The following RABGAP1L variants were observed in gnomAD, a reference collection of about 807,000 sequenced individuals.
RABGAP1L encodes the protein RAB GTPase activating protein 1 like, also known as rab GTPase-activating protein 1-like.
Under a neutral mutation model 137.7 loss-of-function variants are expected in RABGAP1L, and 63 were observed. The ratio of observed to expected loss-of-function variants is 0.46; its 90% CI spans 0.37 to 0.56. RABGAP1L has a LOEUF of 0.56. Among genes scored for constraint, RABGAP1L ranks in the 20% least tolerant of loss-of-function variants. The probability of loss-of-function intolerance (pLI) is 0.00; values close to 1 mark genes in which losing one functional copy is unlikely to be tolerated. For synonymous variants in RABGAP1L, 431 were observed against 433.7 expected (o/e 0.99, Z 0.08); for missense variants, 1,095 against 1,244.0 (o/e 0.88, Z 1.80).
At chr1:174,840,137 T>C (rs1693221805) in intron 19 of RABGAP1L, among the ~76,000 whole-genome samples, 2 of 152,288 alleles carry the variant, frequency 1.3e-5, no homozygotes, top group Non-Finnish European at 1.5e-5. Flanking sequence ...CAGAACAGCA[T>C]AGCATTTGGC....
chr1:174,664,734 C>CTTTTTTTTTTTTTTTTTTTT (rs71701825), intron 14 of RABGAP1L, among the ~76,000 whole-genome samples: 2 of 97,580 alleles, frequency 2.0e-5, no homozygotes, highest in African/African-American at 1.0e-4. Context: ...TTTCTGCTTT[C>CTTTTTTTTTTTTTTTTTTTT]TTTTTTTTTT....
chr1:174,747,327 G>A (rs1460297183), intron 17 of RABGAP1L, among the ~76,000 whole-genome samples: 1 of 150,640 alleles, frequency 6.6e-6, no homozygotes, highest in Admixed American at 6.6e-5. Flanking sequence ...GCTTGAGCCT[G>A]GGAGGTTGAG....
At chr1:174,470,810 T>C (rs1657832570) in intron 13 of RABGAP1L, among the ~76,000 whole-genome samples, 1 of 152,102 alleles carries the variant, frequency 6.6e-6, no homozygotes, top group Non-Finnish European at 1.5e-5. Flanking sequence ...ATACAGTGTT[T>C]AGTTAGAGAA....
chr1:174,406,901 G>C (rs1649344530), intron 13 of RABGAP1L, among the ~76,000 whole-genome samples: 1 of 152,078 alleles, frequency 6.6e-6, no homozygotes, highest in Non-Finnish European at 1.5e-5. Flanking sequence ...AATTACTTTT[G>C]CATCAACCTA....
At chr1:174,675,079 G>T (rs1050670743) in intron 14 of RABGAP1L, among the ~76,000 whole-genome samples, 1 of 151,896 alleles carries the variant, frequency 6.6e-6, no homozygotes, top group Non-Finnish European at 1.5e-5. Flanking sequence ...CTGTGCAGAA[G>T]CTCTTTAGTT....
chr1:174,762,450 T>C (rs1440267671), intron 18 of RABGAP1L, among the ~76,000 whole-genome samples: 1 of 152,246 alleles, frequency 6.6e-6, no homozygotes, highest in Non-Finnish European at 1.5e-5. Flanking sequence ...TTAGCTTTAC[T>C]ACGTTAGGAA....
intron 5 of RABGAP1L, among the ~76,000 whole-genome samples, chr1:174,243,776 G>A (rs1444890671): frequency 1.3e-5 from 2 of 152,168 alleles, no homozygotes; most frequent in African/African-American, 2.4e-5. Flanking sequence ...TTGTGGTTTG[G>A]ATGATAAATT....
At chr1:174,628,842 G>A (rs1572590709) in intron 13 of RABGAP1L, among the ~76,000 whole-genome samples, 5 of 152,164 alleles carry the variant, frequency 3.3e-5, no homozygotes, top group Non-Finnish European at 7.4e-5. Flanking sequence ...GCAGGACTTA[G>A]GGAGCCCGTG....
At chr1:174,354,802 T>G (rs999365568) in intron 11 of RABGAP1L, among the ~76,000 whole-genome samples, 1 of 152,232 alleles carries the variant, frequency 6.6e-6, no homozygotes, top group East Asian at 1.9e-4. Context: ...AGGTCTAACA[T>G]GTAAGTCTTT....
intron 18 of RABGAP1L, among the ~76,000 whole-genome samples, chr1:174,787,424 A>G (rs1264095543): frequency 6.6e-6 from 1 of 151,708 alleles, no homozygotes; most frequent in African/African-American, 2.4e-5. Context: ...AAAAAAAATA[A>G]GAGAAAGTGA....
chr1:174,724,366 T>C (rs1019128838), intron 17 of RABGAP1L, among the ~76,000 whole-genome samples: 5 of 152,272 alleles, frequency 3.3e-5, no homozygotes, highest in African/African-American at 9.6e-5. Context: ...TTAAAGGCAT[T>C]GAAAGGAGTG....
At chr1:174,617,263 C>G (rs370758168) in intron 13 of RABGAP1L, among the ~76,000 whole-genome samples, 1 of 152,120 alleles carries the variant, frequency 6.6e-6, no homozygotes, top group Non-Finnish European at 1.5e-5. Context: ...AAATATTATG[C>G]CTACTTCTGG....
At chr1:174,674,999 G>C (rs879589382) in intron 14 of RABGAP1L, among the ~76,000 whole-genome samples, 98 of 152,188 alleles carry the variant, frequency 6.4e-4, no homozygotes, top group South Asian at 1.9e-3. Context: ...CCCTTTGTCA[G>C]ATGAGTAGGT....
At chr1:174,227,709 C>G (rs1037715764) in intron 3 of RABGAP1L, among the ~76,000 whole-genome samples, 1 of 152,038 alleles carries the variant, frequency 6.6e-6, no homozygotes, top group African/African-American at 2.4e-5. Context: ...GTTTATAACT[C>G]AAGTCTTTAA....
chr1:174,646,549 T>C (rs974965344), intron 14 of RABGAP1L, among the ~76,000 whole-genome samples: 2 of 152,128 alleles, frequency 1.3e-5, no homozygotes, highest in African/African-American at 4.8e-5. Flanking sequence ...CTGAGGCCTC[T>C]GTTCTGTTCC....
intron 1 of RABGAP1L, among the ~76,000 whole-genome samples, chr1:174,167,627 A>C (rs1333482540): frequency 2.0e-5 from 3 of 152,214 alleles, no homozygotes; most frequent in African/African-American, 7.2e-5. Flanking sequence ...CCAGTGAGGA[A>C]TTTCTCAACT....
chr1:174,276,222 C>T (rs1202275103), intron 9 of RABGAP1L, among the ~76,000 whole-genome samples: 1 of 152,130 alleles, frequency 6.6e-6, no homozygotes, highest in East Asian at 1.9e-4. Flanking sequence ...TCACTGTAAC[C>T]TCAAACTGTC....
At position 174,464,988 on chromosome 1, in the gene RABGAP1L, G is replaced by T. The variant is rs532035309; in HGVS notation, c.1710+70843G>T. Among the ~76,000 whole-genome samples, 21 of 151,858 alleles carry T rather than the reference G, an allele frequency of 1.4e-4. No individual in the cohort carries two copies. In the South Asian group the frequency reaches 2.3e-3, roughly 17 times the overall value. On this transcript the variant is annotated intron_variant, in intron 13 of 25. Coordinates refer to ENST00000681986, the MANE Select transcript of RABGAP1L (RefSeq NM_001366446.1). ...TTAGAAAATACTTCCTAATTAATGA[G>T]CCCCAAAATCTTCCTATTGATCCTA...
intron 1 of RABGAP1L, among the ~76,000 whole-genome samples, chr1:174,190,966 T>C (rs1242570765): frequency 1.3e-5 from 2 of 152,134 alleles, no homozygotes; most frequent in Non-Finnish European, 2.9e-5. Context: ...GAAGAACGGC[T>C]AGTTGGTGGA....
Sources: gnomAD v4.1 joint callset for allele counts (sites outside exome capture counted in the v4.1 genomes callset) on GRCh38, gnomAD v4.1.1 for gene constraint, MANE v1.5 for transcripts, NCBI Gene and HGNC (gene_info 2026-07-23, HGNC 2026-07-21) for gene names.